The following SYNE1 variants were observed in gnomAD, a reference collection of about 807,000 sequenced individuals.
SYNE1 encodes the protein nesprin-1.
SYNE1 carries 616 observed loss-of-function variants against 1,111.0 expected under a neutral mutation model. That is an observed-to-expected ratio of 0.55 (90% CI 0.52 to 0.59). The LOEUF (loss-of-function observed/expected upper bound fraction) is 0.59, where lower values mean the gene tolerates loss of function less well. SYNE1 is among the 20% of genes least tolerant of loss of function. The pLI is 0.00. For missense variants in SYNE1, 10,006 were observed against 10,417.0 expected (o/e 0.96, Z 1.72); for synonymous variants, 3,855 against 3,825.8 (o/e 1.01, Z -0.28).
rs2086605464 is a variant in SYNE1 at position 152,244,532 on chromosome 6, T to C, written c.19692+5A>G. Reference sequence around the variant, plus strand: ...CAGCTGAATACTACTGGCTGAAGGCTGCACCTGGAGCTTGGAGAGTTCTTG... The same window carrying C: ...CAGCTGAATACTACTGGCTGAAGGCCGCACCTGGAGCTTGGAGAGTTCTTG... On this transcript the variant is annotated splice_donor_5th_base_variant and intron_variant, in intron 106 of 145. Coordinates refer to ENST00000367255, the MANE Select transcript of SYNE1 (RefSeq NM_182961.4). 6.2e-7 allele frequency: 1 copy of C among 1,614,058 alleles called. No individual in the cohort carries two copies. Among genetic ancestry groups the C allele is most frequent in the Admixed American group, 1.7e-5 (1 of 60,022 alleles).
At chr6:152,191,506 G>C (rs60299720) in intron 127 of SYNE1, among the ~76,000 whole-genome samples, 9,725 of 152,016 alleles carry the variant, frequency 0.064, 356 homozygotes, top group African/African-American at 0.11. Context: ...ATCTTGGCAG[G>C]TTGTATGTCT....
rs560847876 is a variant in SYNE1, at chr6:152,331,605, T to A, written c.13080A>T (p.Ala4360=). 6.2e-7 allele frequency: 1 copy of A among 1,614,210 alleles called. No homozygotes were observed. The highest frequency in any genetic ancestry group is 1.3e-5 in the African/African-American group (1 of 75,062). Residue 4360 remains alanine (A), a synonymous_variant, in exon 78 of 146, where the codon GCA becomes GCT. Coordinates refer to ENST00000367255, the MANE Select transcript of SYNE1 (RefSeq NM_182961.4). ...QSRFQELMEW[A]EEQQPNIAEA... The stretch of plus-strand genomic sequence containing the variant: ...CGGCGATGTTGGGTTGTTGCTCTTC[T>A]GCCCACTCCATTAGCTCCTGAAATC...
At chr6:152,162,106 G>T (rs762693411) in intron 131 of SYNE1, among the ~76,000 whole-genome samples, 3 of 152,172 alleles carry the variant, frequency 2.0e-5, no homozygotes, top group Non-Finnish European at 4.4e-5. Flanking sequence ...GGCTGGCTGG[G>T]CTTAGGAGGA....
intron 130 of SYNE1, among the ~76,000 whole-genome samples, chr6:152,166,899 T>A (rs2063776744): frequency 6.6e-6 from 1 of 152,186 alleles, no homozygotes; most frequent in Admixed American, 6.5e-5. Flanking sequence ...AGGACAGGGA[T>A]CATTCTTTTT....
In SYNE1 at chr6:152,483,136, C is replaced by A; in HGVS notation, c.1299G>T (p.Gln433His). Residue 433 changes from glutamine (Q) to histidine (H), a missense_variant, in exon 14 of 146, where the codon CAG (glutamine) becomes CAT (histidine). Around this residue, in one of 7 missense-constraint regions of SYNE1, gnomAD observed 1,971 missense variants for 2,084.1 expected, o/e 0.95. Transcript: ENST00000367255. ...TCGTGTTTGCTGTTTCCTCGTGGAC[C>A]TGTTGAACGGTTATTTCCTCTCTCA... Reference protein sequence around the residue: ...VALREEITVQQVHEETANTIQ... With the variant: ...VALREEITVQHVHEETANTIQ... The A allele has an allele frequency of 6.2e-7, 1 of 1,614,226 alleles. No individual in the cohort carries two copies. The highest frequency in any genetic ancestry group is 8.5e-7 in the Non-Finnish European group (1 of 1,180,032).
At chr6:152,141,523 G>A (rs921387682) in intron 138 of SYNE1, among the ~76,000 whole-genome samples, 194 bp from the exon 139 acceptor site, 20 of 152,232 alleles carry the variant, frequency 1.3e-4, no homozygotes, top group East Asian at 1.9e-4. Context: ...TTGGGAGGCC[G>A]AGGAAGATGG....
chr6:152,186,676 C>T (rs569611854), intron 128 of SYNE1, among the ~76,000 whole-genome samples: 2 of 146,682 alleles, frequency 1.4e-5, no homozygotes, highest in African/African-American at 5.0e-5. Context: ...GAGGGAAGTT[C>T]ATGGCATGTT....
intron 39 of SYNE1, among the ~76,000 whole-genome samples, chr6:152,420,336 A>G (rs571218191): frequency 6.6e-6 from 1 of 152,136 alleles, no homozygotes; most frequent in Non-Finnish European, 1.5e-5. Context: ...AAAAACTTCC[A>G]TGGCTAGGTG....
At chr6:152,306,559 A>C (rs1462047294) in intron 91 of SYNE1, among the ~76,000 whole-genome samples, 1 of 151,568 alleles carries the variant, frequency 6.6e-6, no homozygotes, top group Non-Finnish European at 1.5e-5. Context: ...AAAGTGATGT[A>C]AAATTTTGTA....
intron 30 of SYNE1, among the ~76,000 whole-genome samples, chr6:152,444,161 T>G (rs896725162): frequency 1.3e-5 from 2 of 152,250 alleles, no homozygotes; most frequent in South Asian, 2.1e-4. Context: ...CTCCACAGTA[T>G]TCCTTGAACT....
intron 121 of SYNE1, 79 bp downstream of exon 121, chr6:152,218,178 T>C: frequency 6.5e-7 from 1 of 1,543,364 alleles, no homozygotes; most frequent in South Asian, 1.1e-5. Context: ...GGCGACAGAG[T>C]GAGACTCCAT....
intron 14 of SYNE1, among the ~76,000 whole-genome samples, chr6:152,474,384 C>A (rs1390500580): frequency 6.6e-6 from 1 of 152,016 alleles, no homozygotes; most frequent in Non-Finnish European, 1.5e-5. Context: ...GACCTGTAGG[C>A]AAAAAACAAA....
chr6:152,328,235 T>C (rs2096134743), intron 78 of SYNE1, among the ~76,000 whole-genome samples: 1 of 152,262 alleles, frequency 6.6e-6, no homozygotes, highest in Non-Finnish European at 1.5e-5. Context: ...ATAGCTGCTG[T>C]ATTATCCTGA....
intron 36 of SYNE1, 36 bp from the exon 37 acceptor site, chr6:152,428,428 A>G (rs774684471): frequency 1.2e-6 from 2 of 1,610,366 alleles, no homozygotes; most frequent in Non-Finnish European, 1.7e-6. Flanking sequence ...GTGAAAGCAC[A>G]GGAGCCAACG....
chr6:152,515,378 T>G (rs1013988855), intron 6 of SYNE1, among the ~76,000 whole-genome samples: 2 of 152,192 alleles, frequency 1.3e-5, no homozygotes, highest in African/African-American at 4.8e-5. Flanking sequence ...ACTAGTTGCT[T>G]TCTACAATGA....
Position 152,457,195 on chromosome 6 carries a change from C to T in SYNE1, c.2569-1151G>A, listed in dbSNP as rs373037841. ...TAATAATGCTATCAGTCATATAGTG[C>T]CACTTATTATATGCTAGTGACATTA... On this transcript the variant is annotated intron_variant, in intron 22 of 145. Transcript: ENST00000367255. Among the ~76,000 whole-genome samples, 1,226 of 143,826 alleles carry T rather than the reference C, an allele frequency of 8.5e-3. 23 individuals carry two copies. Among genetic ancestry groups the T allele is most frequent in the African/African-American group, 0.029 (1,173 of 40,142 alleles). The allele number at this position is 143,826 out of a possible 152,430, so 94.4% of individuals were successfully genotyped here. A position where few individuals can be genotyped will look rare whatever the true frequency, so the allele number is the denominator to read the frequency against.
chr6:152,323,103 G>A (rs1425877589), intron 82 of SYNE1, among the ~76,000 whole-genome samples: 2 of 152,182 alleles, frequency 1.3e-5, no homozygotes, highest in Non-Finnish European at 2.9e-5. Flanking sequence ...GTGGTGTGAA[G>A]GAGCACCTTC....
At chr6:152,427,522 G>A (rs2098379098) in intron 38 of SYNE1, 171 bp downstream of exon 38, 2 of 736,496 alleles carry the variant, frequency 2.7e-6, no homozygotes, top group Non-Finnish European at 4.5e-6. Flanking sequence ...TCCCTTTCAG[G>A]TCATGGTTGC....
At chr6:152,568,523 G>A (rs755694898) in intron 3 of SYNE1, among the ~76,000 whole-genome samples, 10 of 151,978 alleles carry the variant, frequency 6.6e-5, no homozygotes, top group Non-Finnish European at 1.2e-4. Flanking sequence ...GAGTGGTCTT[G>A]CACTCCTGAC....
Sources: allele counts gnomAD v4.1 joint callset (sites outside exome capture counted in the v4.1 genomes callset), GRCh38; gene constraint gnomAD v4.1.1; regional missense constraint gnomAD v4.1.1; transcripts MANE v1.5; gene names NCBI Gene and HGNC (gene_info 2026-07-23, HGNC 2026-07-21).